The following MICAL2 variants were observed in gnomAD, a reference collection of about 807,000 sequenced individuals.
MICAL2 encodes the protein microtubule associated monooxygenase, calponin and LIM domain containing 2.
A neutral mutation model predicts 127.3 loss-of-function variants in MICAL2; 77 were observed. The observed-to-expected ratio is 0.60, with a 90% CI of 0.50 to 0.73. The LOEUF (loss-of-function observed/expected upper bound fraction) is 0.73, where lower values mean the gene tolerates loss of function less well. Ranked by LOEUF, MICAL2 falls within the 30% of genes least tolerant of loss-of-function variation. The pLI is 0.00. For synonymous variants in MICAL2, 570 were observed against 551.1 expected (o/e 1.03, Z -0.48); for missense variants, 1,351 against 1,434.4 (o/e 0.94, Z 0.94).
At chr11:12,181,702 G>A (rs1328960137) in intron 3 of MICAL2, among the ~76,000 whole-genome samples, 1 of 152,208 alleles carries the variant, frequency 6.6e-6, no homozygotes, top group Non-Finnish European at 1.5e-5. Flanking sequence ...AGTAGGACAT[G>A]AGTTAGCTTA....
intron 22 of MICAL2, 22 bp from the exon 23 acceptor site, chr11:12,255,621 C>T: frequency 6.2e-7 from 1 of 1,610,964 alleles, no homozygotes; most frequent in Non-Finnish European, 8.5e-7. Context: ...TCTCTGTCTC[C>T]TCTGCCTCTG....
intron 32 of MICAL2, among the ~76,000 whole-genome samples, chr11:12,327,567 G>A (rs906804166): frequency 3.3e-5 from 5 of 152,244 alleles, no homozygotes; most frequent in African/African-American, 1.2e-4. Context: ...TAACACGAAT[G>A]TTCTTTGCAA....
chr11:12,361,456 C>T (rs1310111360), downstream of MICAL2, among the ~76,000 whole-genome samples: 1 of 152,182 alleles, frequency 6.6e-6, no homozygotes, highest in Non-Finnish European at 1.5e-5. Context: ...TTATAAGCAT[C>T]AACCTATTCT....
chr11:12,344,796 C>T (rs1048288112), intron 32 of MICAL2, among the ~76,000 whole-genome samples: 8 of 150,328 alleles, frequency 5.3e-5, no homozygotes, highest in African/African-American at 1.2e-4. Flanking sequence ...CCACCGCGCC[C>T]GGCCTAGAAA....
rs1339252187 is a variant in MICAL2 at position 12,204,429 on chromosome 11, G to A, written c.444G>A (p.Lys148=). The change falls in exon 4 of 28, where the codon AAG becomes AAA. Residue 148 remains lysine (K), a synonymous_variant. Transcript: ENST00000683283. ...TGGGAGCCAAGAAGTTCTATGGGAA[G>A]TTCTGTGCTGGCTCCATCGACCATA... ...RGLGAKKFYG[K]FCAGSIDHIS... is the part of the protein sequence containing the mutation. 1.9e-6 allele frequency: 3 copies of A among 1,614,082 alleles called. No individual in the cohort carries two copies. Among genetic ancestry groups the A allele is most frequent in the Non-Finnish European group, 2.5e-6 (3 of 1,180,026 alleles).
chr11:12,179,037 C>T (rs1315171454), intron 3 of MICAL2, among the ~76,000 whole-genome samples: 1 of 152,174 alleles, frequency 6.6e-6, no homozygotes, highest in Non-Finnish European at 1.5e-5. Flanking sequence ...TTCCTCCCCT[C>T]CAGTCCAGTA....
At chr11:12,144,687 G>A (rs867804750) in intron 2 of MICAL2, among the ~76,000 whole-genome samples, 10 of 152,184 alleles carry the variant, frequency 6.6e-5, no homozygotes, top group Admixed American at 2.0e-4. Context: ...CTCAATGCTC[G>A]TGCACCTAGT....
At chr11:12,337,452 C>G (rs1938786413) in intron 32 of MICAL2, among the ~76,000 whole-genome samples, 1 of 152,060 alleles carries the variant, frequency 6.6e-6, no homozygotes, top group African/African-American at 2.4e-5. Context: ...TCTCTATTTC[C>G]TTCAGTTCTG....
At chr11:12,312,259 C>T (rs1864182802) in intron 29 of MICAL2, among the ~76,000 whole-genome samples, 1 of 150,600 alleles carries the variant, frequency 6.6e-6, no homozygotes, top group East Asian at 1.9e-4. Flanking sequence ...TGATTATTTG[C>T]TTCCTCTTAC....
At chr11:12,162,484 A>G (rs1283873676) in intron 3 of MICAL2, 65 bp downstream of exon 3, 3 of 1,582,376 alleles carry the variant, frequency 1.9e-6, no homozygotes, top group African/African-American at 1.4e-5. Flanking sequence ...GGAGGTTAGG[A>G]AGCTGTTGCC....
At chr11:12,255,778 C>A in intron 23 of MICAL2, 28 bp downstream of exon 23, 1 of 1,579,744 alleles carries the variant, frequency 6.3e-7, no homozygotes, top group Non-Finnish European at 8.7e-7. Flanking sequence ...CAGCCTTCAC[C>A]CACAGACACT....
rs1727753811 is a variant in MICAL2, at chr11:12,209,440, T to C, written c.590-57T>C. 10 of 1,378,294 alleles carry C rather than the reference T, an allele frequency of 7.3e-6. No homozygotes were observed. In the South Asian group the frequency reaches 1.2e-4, roughly 16 times the overall value. The allele number at this position is 1,378,294 out of a possible 1,614,324, so 85.4% of individuals were successfully genotyped here. A position where few individuals can be genotyped will look rare whatever the true frequency, so the allele number is the denominator to read the frequency against. On this transcript the variant is annotated intron_variant, in intron 5 of 27. Coordinates refer to ENST00000683283, the MANE Select transcript of MICAL2 (RefSeq NM_001282663.2). ...TCTCATAGCCACCACACGGGGGGTA[T>C]AATCATTCTCTTCCCACCTCTCTCT...
At chr11:12,354,935 G>A (rs1589925309) in intron 34 of MICAL2, 1 of 1,373,856 alleles carries the variant, frequency 7.3e-7, no homozygotes, top group Non-Finnish European at 1.0e-6. Flanking sequence ...ATCCCAGAGT[G>A]GGGCGCTCTT....
At chr11:12,280,666 C>T (rs1390065098) in intron 1 of MICAL2, among the ~76,000 whole-genome samples, 2 of 152,220 alleles carry the variant, frequency 1.3e-5, no homozygotes, top group African/African-American at 2.4e-5. Context: ...AGCCTAACAA[C>T]CTCATTTTAC....
intron 2 of MICAL2, among the ~76,000 whole-genome samples, chr11:12,283,343 T>TAA (rs56832587): frequency 0.32 from 42,972 of 132,274 alleles, 7,287 homozygotes; most frequent in East Asian, 0.67. Flanking sequence ...GTGTGGAGTT[T>TAA]AAAAAAAAAA....
intron 32 of MICAL2, among the ~76,000 whole-genome samples, chr11:12,347,235 C>T (rs1013108456): frequency 6.6e-6 from 1 of 152,188 alleles, no homozygotes; most frequent in African/African-American, 2.4e-5. Context: ...AGCCTCACAC[C>T]CTGATCAGGA....
chr11:12,223,522 C>T, intron 12 of MICAL2, 21 bp downstream of exon 12: 3 of 1,606,080 alleles, frequency 1.9e-6, no homozygotes, highest in Non-Finnish European at 2.6e-6. Context: ...CTCCTGGGAC[C>T]CTGGTGGGTG....
intron 3 of MICAL2, among the ~76,000 whole-genome samples, chr11:12,162,926 A>G (rs1855004282): frequency 6.6e-6 from 1 of 152,146 alleles, no homozygotes; most frequent in Non-Finnish European, 1.5e-5. Flanking sequence ...ATAGTTACAG[A>G]GTTGTGTTCG....
intron 1 of MICAL2, among the ~76,000 whole-genome samples, chr11:12,131,793 A>G (rs970668259): frequency 3.9e-5 from 6 of 152,028 alleles, no homozygotes; most frequent in African/African-American, 9.7e-5. Context: ...AAGTGTTTTC[A>G]TTTCTCTGAG....
Sources: gnomAD v4.1 joint callset for allele counts (sites outside exome capture counted in the v4.1 genomes callset) on GRCh38, gnomAD v4.1.1 for gene constraint, MANE v1.5 for transcripts, NCBI Gene and HGNC (gene_info 2026-07-23, HGNC 2026-07-21) for gene names.